The following CTNNA2 variants were observed in gnomAD, a reference collection of about 807,000 sequenced individuals.
CTNNA2 encodes the protein catenin alpha-2.
In CTNNA2, 42 loss-of-function variants were observed where a neutral mutation model predicts 101.0. The ratio of observed to expected loss-of-function variants is 0.42; its 90% CI spans 0.32 to 0.54. CTNNA2 has a LOEUF of 0.54. CTNNA2 is among the 20% of genes least tolerant of loss of function. The pLI is 0.14. For missense variants in CTNNA2, 871 were observed against 1,223.1 expected (o/e 0.71, Z 4.29); for synonymous variants, 450 against 456.4 (o/e 0.99, Z 0.18).
intron 7 of CTNNA2, among the ~76,000 whole-genome samples, chr2:80,162,253 A>T (rs2148947104): frequency 6.6e-6 from 1 of 152,204 alleles, no homozygotes; most frequent in Admixed American, 6.5e-5. Flanking sequence ...TCTTCATAAA[A>T]CCCTGAGGTG....
chr2:79,471,996 A>G lies in CTNNA2; in HGVS notation c.-134-33058A>G, dbSNP rs1403206670. ...AAAGTCTTAATCCTTCTCAGCATCA[A>G]GACAAGAATATAAAGTTCATTGTCT... On this transcript the variant is annotated intron_variant, in intron 4 of 21. Coordinates refer to the CTNNA2 transcript ENST00000466387. Among the ~76,000 whole-genome samples, 5 of 152,182 alleles carry G rather than the reference A, an allele frequency of 3.3e-5. No homozygotes were observed. In the East Asian group the frequency reaches 9.6e-4, roughly 29 times the overall value.
intron 9 of CTNNA2, among the ~76,000 whole-genome samples, chr2:80,432,373 G>A (rs567299335): frequency 1.3e-5 from 2 of 152,246 alleles, no homozygotes; most frequent in South Asian, 4.1e-4. Flanking sequence ...TGACCTTAAT[G>A]TAAAAATCTA....
chr2:79,708,957 C>A (rs1399314704), intron 2 of CTNNA2, among the ~76,000 whole-genome samples: 1 of 152,160 alleles, frequency 6.6e-6, no homozygotes, highest in Non-Finnish European at 1.5e-5. Flanking sequence ...TCGAATTGAA[C>A]AACAATTTGA....
chr2:80,097,430 C>T (rs1700225725), intron 7 of CTNNA2, among the ~76,000 whole-genome samples: 3 of 152,102 alleles, frequency 2.0e-5, no homozygotes, highest in Non-Finnish European at 4.4e-5. Flanking sequence ...TCTCTGGCTG[C>T]CCTTAATATT....
At chr2:79,980,481 C>A (rs10197907) in intron 7 of CTNNA2, among the ~76,000 whole-genome samples, 14,033 of 152,036 alleles carry the variant, frequency 0.092, 864 homozygotes, top group South Asian at 0.21. Flanking sequence ...CTTAGTGATG[C>A]ATTTCCTCTG....
chr2:79,963,178 A>T (rs901495757), intron 7 of CTNNA2, among the ~76,000 whole-genome samples: 1 of 151,810 alleles, frequency 6.6e-6, no homozygotes, highest in Non-Finnish European at 1.5e-5. Flanking sequence ...GGTCCAATTT[A>T]CTTTTGCAAA....
intron 7 of CTNNA2, among the ~76,000 whole-genome samples, chr2:80,352,018 T>C (rs1017356896): frequency 6.6e-6 from 1 of 152,154 alleles, no homozygotes; most frequent in African/African-American, 2.4e-5. Flanking sequence ...AATAGGGTGC[T>C]ATGCTTTTGT....
At chr2:80,478,034 A>G (rs1381350223) in intron 9 of CTNNA2, among the ~76,000 whole-genome samples, 1 of 151,956 alleles carries the variant, frequency 6.6e-6, no homozygotes, top group Non-Finnish European at 1.5e-5. Flanking sequence ...ATTCCCTTTG[A>G]CTGCATCTGC....
intron 2 of CTNNA2, among the ~76,000 whole-genome samples, chr2:79,287,899 G>C (rs1675659433): frequency 6.6e-6 from 1 of 152,232 alleles, no homozygotes; most frequent in African/African-American, 2.4e-5. Context: ...CAGTCAGTGA[G>C]ACTCCACGGG....
chr2:80,162,367 T>G, intron 7 of CTNNA2: 5 of 1,334,496 alleles, frequency 3.7e-6, no homozygotes, highest in Non-Finnish European at 5.0e-6. Context: ...CTCTGTACAG[T>G]TTTTCAACAA....
At chr2:80,001,306 T>C (rs1047654438) in intron 7 of CTNNA2, among the ~76,000 whole-genome samples, 6 of 152,172 alleles carry the variant, frequency 3.9e-5, no homozygotes, top group African/African-American at 1.4e-4. Context: ...AAACTCAGAA[T>C]TGTTTTTCTG....
chr2:79,218,442 C>G (rs938023710), intron 2 of CTNNA2, among the ~76,000 whole-genome samples: 4 of 151,720 alleles, frequency 2.6e-5, no homozygotes, highest in Non-Finnish European at 5.9e-5. Context: ...CTCAGCCTCC[C>G]AAAGAGCTGG....
chr2:79,520,482 T>C (rs1166953451), intron 1 of CTNNA2, among the ~76,000 whole-genome samples: 1 of 152,122 alleles, frequency 6.6e-6, no homozygotes, highest in South Asian at 2.1e-4. Flanking sequence ...GCACTAATCA[T>C]AAAATTTAAA....
chr2:80,403,391 A>G (rs1161634749), intron 8 of CTNNA2, among the ~76,000 whole-genome samples: 1 of 152,100 alleles, frequency 6.6e-6, no homozygotes, highest in Non-Finnish European at 1.5e-5. Context: ...ATTTTATGAG[A>G]TGACACGTTG....
At chr2:79,854,717 A>C (rs1020191565) in intron 3 of CTNNA2, among the ~76,000 whole-genome samples, 8 of 152,172 alleles carry the variant, frequency 5.3e-5, no homozygotes, top group African/African-American at 7.2e-5. Flanking sequence ...GAGGACATCA[A>C]AGGCTTTACC....
At chr2:79,950,127 AATAC>A (rs1688776939) in intron 7 of CTNNA2, among the ~76,000 whole-genome samples, 1 of 150,258 alleles carries the variant, frequency 6.7e-6, no homozygotes, top group Non-Finnish European at 1.5e-5. Context: ...ACTTAAGATC[AATAC>A]AGATTTTGTG....
chr2:79,767,046 G>T (rs749944697), intron 3 of CTNNA2, among the ~76,000 whole-genome samples: 2 of 151,848 alleles, frequency 1.3e-5, no homozygotes, highest in Non-Finnish European at 2.9e-5. Flanking sequence ...GAGCCACTGC[G>T]CCTGGCCCTG....
chr2:79,829,371 A>ACACACACACG (rs1678696525), intron 3 of CTNNA2, among the ~76,000 whole-genome samples: 3 of 76,736 alleles, frequency 3.9e-5, no homozygotes, highest in African/African-American at 1.6e-4. Context: ...ACACACACAC[A>ACACACACACG]CACACACACA....
rs182107646 is a variant in CTNNA2 at position 79,901,327 on chromosome 2, G to C, written c.853-8267G>C. 4.1e-4 allele frequency among the ~76,000 whole-genome samples: 62 copies of C among 151,830 alleles called. 1 individual carries two copies. Among genetic ancestry groups the C allele is most frequent in the South Asian group, 1.0e-3 (5 of 4,818 alleles). Reference sequence around the variant, plus strand: ...AAAATAGTCATGCTGGACAGCAGGTGGTAAGTGCCTGGTGTTTATGAGGCA... The same window carrying C: ...AAAATAGTCATGCTGGACAGCAGGTCGTAAGTGCCTGGTGTTTATGAGGCA... On this transcript the variant is annotated intron_variant, in intron 6 of 18. Coordinates refer to ENST00000402739, the MANE Select transcript of CTNNA2 (RefSeq NM_001282597.3).
Sources: gnomAD v4.1 joint callset for allele counts (sites outside exome capture counted in the v4.1 genomes callset) on GRCh38, gnomAD v4.1.1 for gene constraint, MANE v1.5 for transcripts, NCBI Gene and HGNC (gene_info 2026-07-23, HGNC 2026-07-21) for gene names.